Variants in RAB17 observed in about 807,000 individuals in gnomAD.
RAB17 encodes ras-related protein Rab-17.
RAB17 carries 15 observed loss-of-function variants against 19.3 expected under a neutral mutation model. The ratio of observed to expected loss-of-function variants is 0.78; its 90% confidence interval spans 0.52 to 1.20. The LOEUF is 1.20. RAB17 is among the 50% of genes most tolerant of loss of function. The pLI, the probability that RAB17 is intolerant of heterozygous loss-of-function variation, is 0.00. For synonymous variants in RAB17, 110 were observed against 112.8 expected (o/e 0.97, Z 0.16); for missense variants, 262 against 269.3 (o/e 0.97, Z 0.19).
At position 237,574,649 on chromosome 2, in the gene RAB17, A is replaced by G; in HGVS notation, c.*370T>C. 5 of 1,484,578 alleles carry G rather than the reference A, an allele frequency of 3.4e-6. No homozygotes were observed. The highest frequency in any genetic ancestry group is 4.5e-6 in the Non-Finnish European group (5 of 1,114,900). The allele number at this position is 1,484,578 out of a possible 1,614,324, so 92.0% of individuals were successfully genotyped here. ...CAGGCTCCAGGCCAGTGCCCCCATC[A>G]AGATCAGACGTAAGGCATCTTCCCA... On this transcript the variant is annotated 3_prime_UTR_variant, in exon 6 of 6. Transcript: ENST00000264601.
At chr2:237,582,404 G>T (rs1479527796) in intron 2 of RAB17, among the ~76,000 whole-genome samples, 1 of 152,242 alleles carries the variant, frequency 6.6e-6, no homozygotes, top group Non-Finnish European at 1.5e-5. Context: ...CAGGGTGACA[G>T]CAACCTTTCA....
At chr2:237,580,560 G>A (rs967524670) in intron 2 of RAB17, among the ~76,000 whole-genome samples, 4 of 152,142 alleles carry the variant, frequency 2.6e-5, no homozygotes, top group African/African-American at 9.7e-5. Context: ...CCAACATGGT[G>A]AAACCCTGTT....
intron 1 of RAB17, 40 bp from the exon 2 acceptor site, chr2:237,586,197 G>A (rs369833381): frequency 6.6e-5 from 102 of 1,542,652 alleles, no homozygotes; most frequent in Non-Finnish European, 8.1e-5. Context: ...GTGGAACATC[G>A]GAGCCACATC....
At chr2:237,588,333 T>G (rs1170296779) in intron 1 of RAB17, among the ~76,000 whole-genome samples, 3 of 152,256 alleles carry the variant, frequency 2.0e-5, no homozygotes, top group Non-Finnish European at 4.4e-5. Flanking sequence ...CCCTTGGCCT[T>G]GGACTTCCCA....
intron 3 of RAB17, 152 bp downstream of exon 3, chr2:237,577,852 G>A (rs1163904487): frequency 4.7e-5 from 39 of 823,442 alleles, no homozygotes; most frequent in Non-Finnish European, 1.9e-6. Flanking sequence ...GGAGGATGGG[G>A]GGTTGTCAGG....
At chr2:237,586,196 C>A in intron 1 of RAB17, 39 bp from the exon 2 acceptor site, 1 of 1,544,442 alleles carries the variant, frequency 6.5e-7, no homozygotes, top group South Asian at 1.2e-5. Flanking sequence ...AGTGGAACAT[C>A]GGAGCCACAT....
chr2:237,579,864 A>G (rs907848083), intron 2 of RAB17, among the ~76,000 whole-genome samples: 2 of 152,104 alleles, frequency 1.3e-5, no homozygotes, highest in Admixed American at 6.6e-5. Flanking sequence ...TTCTGCCCGC[A>G]TGTCCTGCAG....
intron 5 of RAB17, 65 bp downstream of exon 5, chr2:237,575,322 G>T: frequency 7.5e-7 from 1 of 1,331,698 alleles, no homozygotes; most frequent in Non-Finnish European, 1.1e-6. Flanking sequence ...CAGCAACAGG[G>T]ACCCAGGGAA....
At chr2:237,585,788 A>G (rs982977229) in intron 2 of RAB17, among the ~76,000 whole-genome samples, 4 of 152,114 alleles carry the variant, frequency 2.6e-5, no homozygotes. Flanking sequence ...CTGAAACCTG[A>G]CCCAGAGCCA....
At position 237,574,354 on chromosome 2, in the gene RAB17, A is replaced by G. The variant is rs918683060; in HGVS notation, c.*665T>C. On this transcript the variant is annotated 3_prime_UTR_variant, in exon 6 of 6. Coordinates refer to ENST00000264601, the MANE Select transcript of RAB17 (RefSeq NM_022449.4). ...TCAAAAGCAATTTAATTTTTGGAGG[A>G]AAAACTGCATACGCAGTACAACTTA... 1.4e-6 allele frequency: 2 copies of G among 1,446,958 alleles called. No homozygotes were observed. The highest frequency in any genetic ancestry group is 5.2e-5 in the East Asian group (2 of 38,534). The allele number at this position is 1,446,958 out of a possible 1,614,324, so 89.6% of individuals were successfully genotyped here. A position where few individuals can be genotyped will look rare whatever the true frequency, so the allele number is the denominator to read the frequency against.
chr2:237,576,795 G>A (rs1439510777), intron 4 of RAB17: 4 of 463,452 alleles, frequency 8.6e-6, no homozygotes, highest in Non-Finnish European at 1.8e-5. Flanking sequence ...CTCGAGTGAA[G>A]GAGGCTACAT....
intron 5 of RAB17, 70 bp from the exon 6 acceptor site, chr2:237,575,198 A>G: frequency 7.6e-7 from 1 of 1,322,730 alleles, no homozygotes; most frequent in South Asian, 1.3e-5. Flanking sequence ...CCTGCAGACC[A>G]GCCACCCCAG....
rs745945375 is a variant in RAB17 at position 237,586,734 on chromosome 2, C to T, written c.-3-577G>A. Among the ~76,000 whole-genome samples, 6 of 152,216 alleles carry T rather than the reference C, an allele frequency of 3.9e-5. 1 individual carries two copies. In the South Asian group the frequency reaches 6.2e-4, roughly 16 times the overall value. Reference sequence around the variant, plus strand: ...ACTTCGTGATCAAAATAAACGTGGGCGACCCCTGCGTATTTTTCATCATAG... The same window carrying T: ...ACTTCGTGATCAAAATAAACGTGGGTGACCCCTGCGTATTTTTCATCATAG... On this transcript the variant is annotated intron_variant, in intron 1 of 5. Coordinates refer to ENST00000264601, the MANE Select transcript of RAB17 (RefSeq NM_022449.4).
chr2:237,577,406 C>T lies in RAB17; in HGVS notation c.310-24G>A, dbSNP rs187930632. ...TCCTAGAAAAGAAGAAAAAAAGTAA[C>T]ATCAAACAAAACTTATAGGTGGTCA... On this transcript the variant is annotated intron_variant, in intron 3 of 5. Coordinates refer to ENST00000264601, the MANE Select transcript of RAB17 (RefSeq NM_022449.4). The T allele has an allele frequency of 5.4e-4, 863 of 1,588,604 alleles. 1 individual carries two copies. The highest frequency in any genetic ancestry group is 6.5e-4 in the Non-Finnish European group (752 of 1,165,122).
chr2:237,578,035 G>A lies in RAB17; in HGVS notation c.278C>T (p.Ala93Val), dbSNP rs763283840. ...VCHLYFRGAN[A>V]ALLVYDITRK... is the part of the protein sequence containing the mutation. Reference sequence around the variant, plus strand: ...GGTGATGTCGTACACCAGAAGCGCAGCGTTGGCACCCCTGAAGTAGAGGTG... The same window carrying A: ...GGTGATGTCGTACACCAGAAGCGCAACGTTGGCACCCCTGAAGTAGAGGTG... The change falls in exon 3 of 6, where the codon GCT (alanine) becomes GTT (valine). Residue 93 changes from alanine to valine, a missense_variant. Ala to Val is a moderately conservative substitution (Grantham distance 64). Coordinates refer to ENST00000264601, the MANE Select transcript of RAB17 (RefSeq NM_022449.4). The A allele has an allele frequency of 1.2e-6, 2 of 1,612,066 alleles. No homozygotes were observed. Among genetic ancestry groups the A allele is most frequent in the Admixed American group, 3.3e-5 (2 of 59,978 alleles).
intron 4 of RAB17, 93 bp downstream of exon 4, chr2:237,577,164 C>T (rs1052147859): frequency 3.7e-5 from 54 of 1,455,786 alleles, no homozygotes; most frequent in Admixed American, 1.4e-4. Flanking sequence ...TGTGGGTGTG[C>T]GTGTATGAAA....
intron 2 of RAB17, among the ~76,000 whole-genome samples, chr2:237,585,215 G>A (rs1047025436): frequency 2.8e-4 from 42 of 150,622 alleles, no homozygotes; most frequent in African/African-American, 1.0e-3. Flanking sequence ...GTAAATGAAT[G>A]AGTGAATTTG....
rs1402507065 is a variant in RAB17 at position 237,578,328 on chromosome 2, A to G, written c.158-173T>C. ...AGCAAACAGTTCTTCTGGGAGATGG[A>G]GCCTTCCACATCGAGCAAAGTGTTG... On this transcript the variant is annotated intron_variant, in intron 2 of 5. Transcript: ENST00000264601. 4 of 608,170 alleles carry G rather than the reference A, an allele frequency of 6.6e-6. No individual in the cohort carries two copies. In the East Asian group the frequency reaches 1.1e-4, roughly 17 times the overall value. The allele number at this position is 608,170 out of a possible 1,614,324, so 37.7% of individuals were successfully genotyped here.
chr2:237,581,197 A>G (rs1362425306), intron 2 of RAB17, among the ~76,000 whole-genome samples: 2 of 152,128 alleles, frequency 1.3e-5, no homozygotes, highest in East Asian at 3.9e-4. Flanking sequence ...AAGATCAGTG[A>G]AACCTTGTCT....
Sources: gnomAD v4.1 joint callset for allele counts (sites outside exome capture counted in the v4.1 genomes callset) on GRCh38, gnomAD v4.1.1 for gene constraint, MANE v1.5 for transcripts, NCBI Gene and HGNC (gene_info 2026-07-23, HGNC 2026-07-21) for gene names.